Variants in RAB11FIP3 observed in about 807,000 individuals in gnomAD.
RAB11FIP3 encodes the protein rab11 family-interacting protein 3.
Under a neutral mutation model 77.8 loss-of-function variants are expected in RAB11FIP3, and 17 were observed. The observed-to-expected ratio is 0.22, with a 90% confidence interval of 0.15 to 0.33. RAB11FIP3 has a LOEUF of 0.33. RAB11FIP3 is among the 10% of genes least tolerant of loss of function. RAB11FIP3 has a pLI of 1.00. For synonymous variants in RAB11FIP3, 437 were observed against 448.2 expected (o/e 0.98, Z 0.31); for missense variants, 1,005 against 1,011.2 (o/e 0.99, Z 0.08).
chr16:467,411 G>A (rs960197468), intron 2 of RAB11FIP3, among the ~76,000 whole-genome samples: 4 of 147,216 alleles, frequency 2.7e-5, no homozygotes, highest in African/African-American at 9.7e-5. Flanking sequence ...AGGAGGTGCA[G>A]TAGCCTCAGG....
At chr16:487,809 G>A (rs573844495) in intron 4 of RAB11FIP3, among the ~76,000 whole-genome samples, 1 of 152,326 alleles carries the variant, frequency 6.6e-6, no homozygotes, top group South Asian at 2.1e-4. Flanking sequence ...TCAGAAGGAG[G>A]GTGGGTATTT....
intron 1 of RAB11FIP3, among the ~76,000 whole-genome samples, chr16:454,214 A>T (rs565845473): frequency 3.9e-5 from 6 of 152,272 alleles, no homozygotes; most frequent in African/African-American, 9.6e-5. Flanking sequence ...TTAAGCATCA[A>T]CTGCCAAGCA....
chr16:456,421 CAG>C (rs1185266722), intron 1 of RAB11FIP3, among the ~76,000 whole-genome samples: 1 of 146,460 alleles, frequency 6.8e-6, no homozygotes, highest in East Asian at 2.0e-4. Flanking sequence ...GCCTGAGTGA[CAG>C]AGTGAGACCC....
chr16:477,338 G>A (rs1473120613), intron 3 of RAB11FIP3, among the ~76,000 whole-genome samples: 1 of 152,184 alleles, frequency 6.6e-6, no homozygotes, highest in Non-Finnish European at 1.5e-5. Flanking sequence ...AGTCAGCAGC[G>A]GGTCTTCCTG....
intron 5 of RAB11FIP3, among the ~76,000 whole-genome samples, chr16:496,320 A>G (rs1323881053): frequency 2.0e-5 from 3 of 152,242 alleles, no homozygotes; most frequent in Admixed American, 2.0e-4. Flanking sequence ...ATAATTGGCT[A>G]TATTTACTGC....
intron 2 of RAB11FIP3, among the ~76,000 whole-genome samples, chr16:468,936 C>T (rs1395328006): frequency 6.6e-6 from 1 of 152,210 alleles, no homozygotes; most frequent in Non-Finnish European, 1.5e-5. Flanking sequence ...ACTGTCAGAA[C>T]CTGAGCTGTC....
chr16:512,397 C>T (rs1404665136), intron 9 of RAB11FIP3, among the ~76,000 whole-genome samples: 5 of 152,030 alleles, frequency 3.3e-5, no homozygotes, highest in Admixed American at 2.0e-4. Context: ...CCTGCCACCA[C>T]GCCCGGCTAA....
chr16:493,842 T>TC (rs1404824310), intron 5 of RAB11FIP3, among the ~76,000 whole-genome samples: 2 of 148,616 alleles, frequency 1.3e-5, no homozygotes, highest in Non-Finnish European at 3.0e-5. Flanking sequence ...TCCGCCCGCC[T>TC]TGACCCCCCA....
rs1272396580 is a variant in RAB11FIP3 at position 425,780 on chromosome 16, G to A, written c.-227G>A. 2.4e-5 allele frequency: 8 copies of A among 332,622 alleles called. No individual in the cohort carries two copies. The highest frequency in any genetic ancestry group is 5.4e-6 in the Non-Finnish European group (1 of 185,004). The allele number at this position is 332,622 out of a possible 1,614,324, so 20.6% of individuals were successfully genotyped here. A position where few individuals can be genotyped will look rare whatever the true frequency, so the allele number is the denominator to read the frequency against. On this transcript the variant is annotated 5_prime_UTR_variant, in exon 1 of 14. Transcript: ENST00000262305. ...GGATCCTCGCCGCCCTCCCTAGGCC[G>A]CCCCGCCGCCATGGGCCTGCGCCCG...
In RAB11FIP3 at chr16:426,234, G is replaced by A; in HGVS notation, c.228G>A (p.Pro76=). ...GGARWSAGPA[P]GLEGGPRDPG... is the part of the protein sequence containing the mutation. Reference sequence around the variant, plus strand: ...CGCGTTGGAGCGCCGGGCCGGCCCCGGGGCTGGAGGGAGGCCCGCGAGACC... The same window carrying A: ...CGCGTTGGAGCGCCGGGCCGGCCCCAGGGCTGGAGGGAGGCCCGCGAGACC... Residue 76 remains proline, a synonymous_variant, in exon 1 of 14, where the codon CCG becomes CCA. Coordinates refer to ENST00000262305, the MANE Select transcript of RAB11FIP3 (RefSeq NM_014700.4). The surrounding 1 kb of genome is among the most constrained non-coding windows in gnomAD (Gnocchi z 5.0). The A allele has an allele frequency of 9.4e-7, 1 of 1,063,744 alleles. No individual in the cohort carries two copies. Among genetic ancestry groups the A allele is most frequent in the Non-Finnish European group, 1.1e-6 (1 of 882,216 alleles). 65.9% of individuals were successfully genotyped at this position (1,063,744 alleles called of 1,614,324 possible). A position where few individuals can be genotyped will look rare whatever the true frequency, so the allele number is the denominator to read the frequency against.
At chr16:488,339 G>C (rs71382280) in intron 4 of RAB11FIP3, among the ~76,000 whole-genome samples, 10 of 152,166 alleles carry the variant, frequency 6.6e-5, no homozygotes, top group Non-Finnish European at 7.4e-5. Context: ...GATATTGCAC[G>C]ACTGCACTCC....
Position 519,743 on chromosome 16 carries a change from C to T in RAB11FIP3, c.1723-11C>T, listed in dbSNP as rs768514406. On this transcript the variant is annotated splice_polypyrimidine_tract_variant and intron_variant, in intron 10 of 13. Coordinates refer to ENST00000262305, the MANE Select transcript of RAB11FIP3 (RefSeq NM_014700.4). ...GTGACCCGCATCCAGGGCAGGTGTC[C>T]ACCCCTGCAGGAGAAGCAGAAGCTG... is the stretch of plus-strand genomic sequence containing the variant. 6.2e-7 allele frequency: 1 copy of T among 1,611,480 alleles called. No homozygotes were observed. The highest frequency in any genetic ancestry group is 8.5e-7 in the Non-Finnish European group (1 of 1,179,046).
At chr16:494,080 T>C in intron 5 of RAB11FIP3, among the ~76,000 whole-genome samples, 1 of 47,744 alleles carries the variant, frequency 2.1e-5, no homozygotes, top group Admixed American at 1.6e-4. Context: ...ACTTTTGTAT[T>C]TTTAGTAGAC....
intron 5 of RAB11FIP3, among the ~76,000 whole-genome samples, chr16:494,482 C>T (rs1031585765): frequency 2.6e-5 from 4 of 151,446 alleles, no homozygotes; most frequent in Admixed American, 6.6e-5. Flanking sequence ...ATTAGCCGGG[C>T]GTGGTGGCGG....
chr16:492,539 C>CCGGG (rs2030653420), intron 5 of RAB11FIP3, among the ~76,000 whole-genome samples: 1 of 151,754 alleles, frequency 6.6e-6, no homozygotes, highest in African/African-American at 2.4e-5. Context: ...CGAGGCCGTC[C>CCGGG]AGAATCTTGG....
rs1348508165 is a variant in RAB11FIP3, at chr16:504,061, C to T, written c.1395+964C>T. On this transcript the variant is annotated intron_variant, in intron 7 of 13. Coordinates refer to ENST00000262305, the MANE Select transcript of RAB11FIP3 (RefSeq NM_014700.4). ...TACCTCCTGTACCCCCTCACCTCCT[C>T]CTGTACCCCCTCACCTCCTTGTGTA... Among the ~76,000 whole-genome samples, 73 of 23,256 alleles carry T rather than the reference C, an allele frequency of 3.1e-3. 2 individuals are homozygous for T. The highest frequency in any genetic ancestry group is 3.6e-3 in the Non-Finnish European group (41 of 11,270). 15.3% of individuals were successfully genotyped at this position (23,256 alleles called of 152,430 possible). A position where few individuals can be genotyped will look rare whatever the true frequency, so the allele number is the denominator to read the frequency against.
chr16:495,722 T>A lies in RAB11FIP3; in HGVS notation c.1266-1102T>A, dbSNP rs116975283. On this transcript the variant is annotated intron_variant, in intron 5 of 13. Coordinates refer to ENST00000262305, the MANE Select transcript of RAB11FIP3 (RefSeq NM_014700.4). ...AGCTGAGGGGCTCTACGTTAATACC[T>A]GGCACAGCAGCTGATTCTCCTCCAG... Among the ~76,000 whole-genome samples the A allele has an allele frequency of 2.0e-5, 3 of 152,322 alleles. No individual in the cohort carries two copies. In the East Asian group the frequency reaches 5.8e-4, roughly 29 times the overall value.
intron 9 of RAB11FIP3, among the ~76,000 whole-genome samples, chr16:515,534 C>CTGTT (rs1232029026): frequency 6.7e-6 from 1 of 150,016 alleles, no homozygotes; most frequent in Admixed American, 6.7e-5. Flanking sequence ...CGACACGCAC[C>CTGTT]GGTGTTTGCA....
At position 429,538 on chromosome 16, in the gene RAB11FIP3, C is replaced by T. The variant is rs550882437; in HGVS notation, c.714+2818C>T. Among the ~76,000 whole-genome samples the T allele has an allele frequency of 6.6e-4, 100 of 150,486 alleles. 1 individual carries two copies. Among genetic ancestry groups the T allele is most frequent in the African/African-American group, 2.1e-3 (85 of 40,868 alleles). The stretch of plus-strand genomic sequence containing the variant: ...TGAGATGGAGTCTCGCCTGCTCTGT[C>T]GCCCAGGCTGGAGTGCAATGGTGTG... On this transcript the variant is annotated intron_variant, in intron 1 of 13. Transcript: ENST00000262305.
Sources: gnomAD v4.1 joint callset for allele counts (sites outside exome capture counted in the v4.1 genomes callset) on GRCh38, gnomAD v4.1.1 for gene constraint, Gnocchi (gnomAD v3.1) non-coding constraint, MANE v1.5 for transcripts, NCBI Gene and HGNC (gene_info 2026-07-23, HGNC 2026-07-21) for gene names.